The following KCNMA1 variants were observed in gnomAD, a reference collection of about 807,000 sequenced individuals.
The protein encoded by KCNMA1 is Calcium-activated potassium channel subunit alpha-1.
In KCNMA1, 29 loss-of-function variants were observed where a neutral mutation model predicts 140.0. The observed-to-expected ratio is 0.21, with a 90% CI of 0.15 to 0.28. The LOEUF (loss-of-function observed/expected upper bound fraction) is 0.28. Ranked by LOEUF, KCNMA1 falls within the 10% of genes least tolerant of loss-of-function variation. The pLI is 1.00. For missense variants in KCNMA1, 880 were observed against 1,602.2 expected, an observed-to-expected ratio of 0.55 and a Z score of 7.70; for synonymous variants, 612 against 611.9, an observed-to-expected ratio of 1.00 and a Z score of 0.00.
At chr10:77,162,137 C>T (rs2154080198) in intron 5 of KCNMA1, among the ~76,000 whole-genome samples, 1 of 152,312 alleles carries the variant, frequency 6.6e-6, no homozygotes, top group East Asian at 1.9e-4. Context: ...GCCCCCATTC[C>T]AAGCATCCTT....
chr10:77,611,049 T>A (rs1329191997), intron 1 of KCNMA1, among the ~76,000 whole-genome samples: 2 of 152,148 alleles, frequency 1.3e-5, no homozygotes, highest in Non-Finnish European at 2.9e-5. Flanking sequence ...TAAATGGGGG[T>A]GATAATCATG....
At chr10:77,012,834 G>A (rs1042802467) in intron 17 of KCNMA1, among the ~76,000 whole-genome samples, 4 of 152,208 alleles carry the variant, frequency 2.6e-5, no homozygotes, top group Non-Finnish European at 5.9e-5. Context: ...TGACTTGAAT[G>A]TCCATAGGTG....
rs73293853 is a variant in KCNMA1, at chr10:77,614,821, C to T, written c.378+22444G>A. 9.1e-3 allele frequency among the ~76,000 whole-genome samples: 1,379 copies of T among 152,338 alleles called. 14 individuals carry two copies. Among genetic ancestry groups the T allele is most frequent in the African/African-American group, 0.031 (1,294 of 41,566 alleles). ...AGCCCCAGCTCAGCTTGGGCTCCCC[C>T]AAGCAAGCACCACATGACTGACACT... On this transcript the variant is annotated intron_variant, in intron 1 of 27. Coordinates refer to ENST00000286628, the MANE Select transcript of KCNMA1 (RefSeq NM_001161352.2).
At chr10:77,460,531 G>GCACACACACACA (rs59284219) in intron 1 of KCNMA1, among the ~76,000 whole-genome samples, 41 of 147,836 alleles carry the variant, frequency 2.8e-4, no homozygotes, top group African/African-American at 1.0e-3. Context: ...GTACACACGT[G>GCACACACACACA]CACACACACA....
intron 1 of KCNMA1, among the ~76,000 whole-genome samples, chr10:77,630,998 T>C (rs907944589): frequency 6.7e-6 from 1 of 148,514 alleles, no homozygotes; most frequent in African/African-American, 2.5e-5. Context: ...TCTTGGCTAC[T>C]TGGGGAGCTG....
chr10:76,933,877 A>G lies in KCNMA1; in HGVS notation c.2902+10896T>C, dbSNP rs373825876. On this transcript the variant is annotated intron_variant, in intron 23 of 27. Coordinates refer to ENST00000286628, the MANE Select transcript of KCNMA1 (RefSeq NM_001161352.2). ...GGACTAGCCATATCCTTAAATGTTC[A>G]ATAAATCCAGAACTAAAGTCATTTA... Among the ~76,000 whole-genome samples, 3 of 152,362 alleles carry G rather than the reference A, an allele frequency of 2.0e-5. No homozygotes were observed. In the East Asian group the frequency reaches 5.8e-4, roughly 29 times the overall value.
chr10:76,894,858 A>G (rs1173071884), intron 25 of KCNMA1, among the ~76,000 whole-genome samples: 1 of 152,212 alleles, frequency 6.6e-6, no homozygotes, highest in Non-Finnish European at 1.5e-5. Context: ...TGGAACTCTC[A>G]CACACTGCTG....
At chr10:77,380,948 T>G (rs1603448520) in intron 2 of KCNMA1, among the ~76,000 whole-genome samples, 1 of 152,234 alleles carries the variant, frequency 6.6e-6, no homozygotes, top group East Asian at 1.9e-4. Context: ...TTTCTCAGAA[T>G]GCCAATATTT....
intron 5 of KCNMA1, among the ~76,000 whole-genome samples, chr10:77,149,415 A>G (rs377209327): frequency 2.0e-5 from 3 of 152,142 alleles, no homozygotes; most frequent in South Asian, 4.1e-4. Flanking sequence ...TTATTTCAAC[A>G]TTTTTTTCCT....
In KCNMA1 at chr10:77,489,484, C is replaced by T. The variant is rs1273787332; in HGVS notation, c.379-85461G>A. 2.0e-5 allele frequency among the ~76,000 whole-genome samples: 3 copies of T among 152,030 alleles called. No homozygotes were observed. The East Asian group carries it at 5.8e-4, about 29-fold the overall frequency. On this transcript the variant is annotated intron_variant, in intron 1 of 27. Coordinates refer to ENST00000286628, the MANE Select transcript of KCNMA1 (RefSeq NM_001161352.2). The stretch of plus-strand genomic sequence containing the variant: ...CCTGGTAGCTGGAATTACAGGCACC[C>T]GCTACCATACCCGGCTAATTTTGTT...
At chr10:76,877,419 T>A, downstream of KCNMA1, 1 of 157,950 alleles carries the variant, frequency 6.3e-6, no homozygotes, top group Non-Finnish European at 1.4e-5. Flanking sequence ...AGATTTTGCA[T>A]TGTTTAGATA....
rs1250204039 is a variant in KCNMA1, at chr10:77,553,070, G to A, written c.378+84195C>T. On this transcript the variant is annotated intron_variant, in intron 1 of 27. Transcript: ENST00000286628. Reference sequence around the variant, plus strand: ...AAAAAACAAAACAAAACAAAAAAACGCCGGGTGGCGGGGTGGGGAGGCGGG... The same window carrying A: ...AAAAAACAAAACAAAACAAAAAAACACCGGGTGGCGGGGTGGGGAGGCGGG... 3.3e-5 allele frequency among the ~76,000 whole-genome samples: 5 copies of A among 152,010 alleles called. No homozygotes were observed. In the East Asian group the frequency reaches 7.7e-4, roughly 23 times the overall value.
chr10:77,140,926 G>C (rs1156789482), intron 5 of KCNMA1, among the ~76,000 whole-genome samples: 1 of 152,186 alleles, frequency 6.6e-6, no homozygotes, highest in Non-Finnish European at 1.5e-5. Flanking sequence ...GTATAGAATA[G>C]AGTGTGAGAG....
intron 26 of KCNMA1, among the ~76,000 whole-genome samples, chr10:76,891,230 T>TTGGTGCAAATTCCCA (rs1430928676): frequency 1.3e-5 from 2 of 152,222 alleles, no homozygotes; most frequent in African/African-American, 4.8e-5. Context: ...CCAGGATGCC[T>TTGGTGCAAATTCCCA]TGGTGCAAAT....
In KCNMA1 at chr10:77,521,411, A is replaced by G. The variant is rs189545849; in HGVS notation, c.378+115854T>C. Among the ~76,000 whole-genome samples, 3 of 152,324 alleles carry G rather than the reference A, an allele frequency of 2.0e-5. No homozygotes were observed. The East Asian group carries it at 5.8e-4, about 29-fold the overall frequency. On this transcript the variant is annotated intron_variant, in intron 1 of 27. Transcript: ENST00000286628. ...CTGGTGCCTAATTTCTGGTGGCAGC[A>G]AAGTGCAAGATTAGAGGCCCACACA...
chr10:77,086,972 G>A (rs1174331517), intron 10 of KCNMA1, among the ~76,000 whole-genome samples: 1 of 152,190 alleles, frequency 6.6e-6, no homozygotes, highest in Non-Finnish European at 1.5e-5. Context: ...GTGATTTCTG[G>A]GTGTGTCTGG....
chr10:77,375,788 T>A (rs1296944030), intron 2 of KCNMA1, among the ~76,000 whole-genome samples: 1 of 152,176 alleles, frequency 6.6e-6, no homozygotes, highest in Non-Finnish European at 1.5e-5. Context: ...CTCCTCTGAG[T>A]GATGGGAGTG....
At chr10:77,258,762 A>T (rs1332160467) in intron 2 of KCNMA1, among the ~76,000 whole-genome samples, 1 of 152,154 alleles carries the variant, frequency 6.6e-6, no homozygotes, top group African/African-American at 2.4e-5. Context: ...CAGGAGCTCA[A>T]GACCAGCCTG....
intron 9 of KCNMA1, among the ~76,000 whole-genome samples, chr10:77,097,021 G>C (rs948204297): frequency 6.6e-6 from 1 of 152,168 alleles, no homozygotes; most frequent in African/African-American, 2.4e-5. Flanking sequence ...AAACCACACA[G>C]TGGTCAGCAC....
Sources: gnomAD v4.1 joint callset for allele counts (sites outside exome capture counted in the v4.1 genomes callset) on GRCh38, gnomAD v4.1.1 for gene constraint, MANE v1.5 for transcripts, NCBI Gene and HGNC (gene_info 2026-07-23, HGNC 2026-07-21) for gene names.